The following UVRAG variants were observed in gnomAD, a reference collection of about 807,000 sequenced individuals.
UVRAG encodes UV radiation resistance-associated gene protein.
UVRAG carries 19 observed loss-of-function variants against 78.0 expected under a neutral mutation model. The ratio of observed to expected loss-of-function variants is 0.24; its 90% CI spans 0.17 to 0.36. UVRAG has a LOEUF of 0.36. Among genes scored for constraint, UVRAG ranks in the 10% least tolerant of loss-of-function variants. The probability of loss-of-function intolerance (pLI) is 1.00; values close to 1 mark genes in which losing one functional copy is unlikely to be tolerated. For synonymous variants in UVRAG, 323 were observed against 324.6 expected (o/e 1.00, Z 0.05); for missense variants, 740 against 853.8 (o/e 0.87, Z 1.66).
intron 5 of UVRAG, among the ~76,000 whole-genome samples, chr11:75,908,975 T>C (rs1482312842): frequency 6.6e-6 from 1 of 152,148 alleles, no homozygotes; most frequent in East Asian, 1.9e-4. Flanking sequence ...TCTGTAAGAT[T>C]GGTAATAACG....
At chr11:76,011,126 C>A (rs890668288) in intron 11 of UVRAG, among the ~76,000 whole-genome samples, 1 of 152,162 alleles carries the variant, frequency 6.6e-6, no homozygotes, top group Non-Finnish European at 1.5e-5. Context: ...GTTATCTACA[C>A]TTACAATGCC....
chr11:75,939,424 C>T (rs1948439638), intron 6 of UVRAG, among the ~76,000 whole-genome samples: 1 of 152,156 alleles, frequency 6.6e-6, no homozygotes, highest in Non-Finnish European at 1.5e-5. Flanking sequence ...CTTAGAGTTA[C>T]ATAATATCCT....
At chr11:75,909,345 A>G (rs553986261) in intron 5 of UVRAG, among the ~76,000 whole-genome samples, 7 of 152,130 alleles carry the variant, frequency 4.6e-5, no homozygotes, top group South Asian at 2.1e-4. Context: ...TTAACTGGGT[A>G]TGGTGTTGCA....
intron 14 of UVRAG, among the ~76,000 whole-genome samples, chr11:76,117,984 T>A (rs1952214063): frequency 6.6e-6 from 1 of 152,232 alleles, no homozygotes; most frequent in Non-Finnish European, 1.5e-5. Context: ...TAGGGAAGGC[T>A]CTTCTTCAAA....
At chr11:75,941,994 TAATG>T (rs1476336603) in intron 6 of UVRAG, 2 of 152,150 alleles carry the variant, frequency 1.3e-5, no homozygotes, top group Non-Finnish European at 2.9e-5. Flanking sequence ...AAACAAATGA[TAATG>T]AATAACTAGT....
At chr11:76,009,192 T>G (rs1472261724) in intron 11 of UVRAG, among the ~76,000 whole-genome samples, 1 of 152,142 alleles carries the variant, frequency 6.6e-6, no homozygotes, top group Admixed American at 6.5e-5. Flanking sequence ...TTGTGTATGG[T>G]TGGGAGCAGA....
rs1477894975 is a variant in UVRAG at position 76,012,071 on chromosome 11, A to G, written c.1060+3204A>G. 5.3e-5 allele frequency among the ~76,000 whole-genome samples: 8 copies of G among 152,292 alleles called. No homozygotes were observed. The East Asian group carries it at 1.5e-3, about 29-fold the overall frequency. ...CATGGTGGCTCATGCCTGTAATCCT[A>G]GCACTTTGGGGGACTGAGGTGGGAG... On this transcript the variant is annotated intron_variant, in intron 11 of 14. Transcript: ENST00000356136.
intron 12 of UVRAG, among the ~76,000 whole-genome samples, chr11:76,054,263 C>T (rs190139540): frequency 1.2e-3 from 189 of 152,274 alleles, no homozygotes; most frequent in Admixed American, 2.4e-3. Flanking sequence ...GATCTGTCAC[C>T]AGATCATGTT....
At chr11:75,863,269 T>C (rs713275) in intron 3 of UVRAG, among the ~76,000 whole-genome samples, 19,886 of 152,242 alleles carry the variant, frequency 0.13, 2,837 homozygotes, top group African/African-American at 0.36. Flanking sequence ...TCATGCTTGA[T>C]GTATAATAGT....
At chr11:76,117,940 A>G (rs1356416777) in intron 14 of UVRAG, among the ~76,000 whole-genome samples, 6 of 152,238 alleles carry the variant, frequency 3.9e-5, no homozygotes, top group Non-Finnish European at 1.5e-5. Flanking sequence ...GTTAGGGAAA[A>G]GCTAACCTCC....
intron 12 of UVRAG, among the ~76,000 whole-genome samples, chr11:76,037,830 C>T (rs1292820753): frequency 1.3e-5 from 2 of 152,152 alleles, no homozygotes; most frequent in African/African-American, 4.8e-5. Flanking sequence ...TCAAGATTCC[C>T]ATTATCCTGG....
At chr11:75,920,008 G>GTTTTTTGTTT (rs1947941022) in intron 6 of UVRAG, among the ~76,000 whole-genome samples, 3 of 55,492 alleles carry the variant, frequency 5.4e-5, no homozygotes, top group African/African-American at 1.7e-4. Context: ...AATAATTTTG[G>GTTTTTTGTTT]TTTTTTTTTT....
intron 6 of UVRAG, among the ~76,000 whole-genome samples, chr11:75,938,643 A>G (rs1486068670): frequency 2.0e-5 from 3 of 152,188 alleles, no homozygotes; most frequent in Non-Finnish European, 2.9e-5. Context: ...GTTATGGGCC[A>G]TACTCTGGCT....
chr11:75,848,116 T>A (rs1946076077), intron 1 of UVRAG, among the ~76,000 whole-genome samples: 1 of 151,498 alleles, frequency 6.6e-6, no homozygotes, highest in Non-Finnish European at 1.5e-5. Flanking sequence ...GAGGATTGCT[T>A]GAGCCTGGGA....
chr11:76,032,466 A>G (rs1026942777), intron 12 of UVRAG, among the ~76,000 whole-genome samples: 1 of 152,242 alleles, frequency 6.6e-6, no homozygotes, highest in African/African-American at 2.4e-5. Flanking sequence ...GTTAAATCAT[A>G]AGAGAGTTCA....
At chr11:76,019,934 G>C (rs1359552234) in intron 12 of UVRAG, among the ~76,000 whole-genome samples, 1 of 152,170 alleles carries the variant, frequency 6.6e-6, no homozygotes, top group Non-Finnish European at 1.5e-5. Context: ...GTTTCCCCCG[G>C]CCCCTGAGCA....
intron 3 of UVRAG, among the ~76,000 whole-genome samples, chr11:75,878,899 C>CG (rs1392325682): frequency 1.1e-5 from 1 of 91,718 alleles, no homozygotes; most frequent in Non-Finnish European, 2.1e-5. Context: ...GGGACAGGGA[C>CG]AGGGAGGGGG....
chr11:76,096,345 G>A (rs908538354), intron 13 of UVRAG, among the ~76,000 whole-genome samples: 1 of 152,146 alleles, frequency 6.6e-6, no homozygotes, highest in East Asian at 1.9e-4. Context: ...TTCTAGATAA[G>A]TTAAAAACGT....
intron 14 of UVRAG, among the ~76,000 whole-genome samples, chr11:76,138,518 C>T (rs777645370): frequency 3.3e-5 from 5 of 152,206 alleles, no homozygotes; most frequent in African/African-American, 4.8e-5. Flanking sequence ...TCAAACTCAA[C>T]GAGGGCTACA....
Sources: gnomAD v4.1 joint callset for allele counts (sites outside exome capture counted in the v4.1 genomes callset) on GRCh38, gnomAD v4.1.1 for gene constraint, MANE v1.5 for transcripts, NCBI Gene and HGNC (gene_info 2026-07-23, HGNC 2026-07-21) for gene names.